C12orf56: variants seen among roughly 807,000 people sequenced by gnomAD.
The protein encoded by C12orf56 is uncharacterized protein C12orf56.
Under a neutral mutation model 69.9 loss-of-function variants are expected in C12orf56, and 71 were observed. The observed-to-expected ratio is 1.02, with a 90% CI of 0.84 to 1.24. C12orf56 has a LOEUF of 1.24. Ranked by LOEUF, C12orf56 falls within the 50% of genes most tolerant of loss-of-function variation. The pLI, the probability that C12orf56 is intolerant of heterozygous loss-of-function variation, is 0.00. For missense variants in C12orf56, 732 were observed against 738.5 expected (o/e 0.99, Z 0.10); for synonymous variants, 276 against 274.1 (o/e 1.01, Z -0.07).
chr12:64,286,338 A>T (rs561512182), intron 6 of C12orf56, among the ~76,000 whole-genome samples: 1 of 152,322 alleles, frequency 6.6e-6, no homozygotes, highest in Admixed American at 6.5e-5. Context: ...GATCATCCAG[A>T]AGCAGGTGTG....
intron 1 of C12orf56, among the ~76,000 whole-genome samples, chr12:64,388,691 C>CA (rs890425910): frequency 1.5e-4 from 23 of 151,872 alleles, no homozygotes; most frequent in African/African-American, 3.1e-4. Flanking sequence ...CCTGTCTCTA[C>CA]AAAAAAAAAT....
intron 1 of C12orf56, among the ~76,000 whole-genome samples, chr12:64,355,260 T>C (rs1210806171): frequency 6.6e-6 from 1 of 152,064 alleles, no homozygotes. Flanking sequence ...ATCAAAGTAA[T>C]TGAAGATAGG....
intron 1 of C12orf56, chr12:64,388,952 C>T (rs1290406678): frequency 6.6e-6 from 1 of 152,114 alleles, no homozygotes; most frequent in Non-Finnish European, 1.5e-5. Context: ...AATAAATTGG[C>T]ACAGTTACAT....
At chr12:64,354,511 G>T (rs945900064) in intron 1 of C12orf56, among the ~76,000 whole-genome samples, 1 of 151,930 alleles carries the variant, frequency 6.6e-6, no homozygotes, top group Non-Finnish European at 1.5e-5. Flanking sequence ...ATGCTGGAGT[G>T]CAATGACATG....
chr12:64,310,870 T>C (rs892378614), intron 5 of C12orf56, among the ~76,000 whole-genome samples: 8 of 151,340 alleles, frequency 5.3e-5, no homozygotes, highest in East Asian at 3.9e-4. Flanking sequence ...CCTCCCCCCT[T>C]CCCCCACCCC....
At chr12:64,268,902 G>A (rs927812271) in intron 12 of C12orf56, among the ~76,000 whole-genome samples, 5 of 151,978 alleles carry the variant, frequency 3.3e-5, no homozygotes, top group East Asian at 1.9e-4. Flanking sequence ...TTAGGAGGCC[G>A]AGGCAGGTGA....
At chr12:64,371,138 A>T (rs374093785) in intron 1 of C12orf56, among the ~76,000 whole-genome samples, 215 of 152,364 alleles carry the variant, frequency 1.4e-3, no homozygotes, top group African/African-American at 4.8e-3. Flanking sequence ...ACGGTGGCTC[A>T]CAACTGTAAT....
intron 11 of C12orf56, among the ~76,000 whole-genome samples, chr12:64,272,284 C>G (rs547650750): frequency 6.6e-6 from 1 of 152,096 alleles, no homozygotes; most frequent in Non-Finnish European, 1.5e-5. Context: ...GTGGGAGGAT[C>G]TCCTGAGGTC....
Position 64,274,904 on chromosome 12 carries a change from G to C in C12orf56, c.1581C>G (p.Pro527=), listed in dbSNP as rs556411935. 1.2e-6 allele frequency: 2 copies of C among 1,606,336 alleles called. No individual in the cohort carries two copies. Among genetic ancestry groups the C allele is most frequent in the Admixed American group, 1.7e-5 (1 of 59,932 alleles). ...GTTTTGACTTCTAGATACTTACGAT[G>C]GGAGGACAGCTTTGTAGAAAGGACA... is the stretch of plus-strand genomic sequence containing the variant. ...WIMSFLQSCP[P]IITFVASIVK... The change falls in exon 11 of 13, where the codon CCC becomes CCG. Residue 527 remains proline, a synonymous_variant. Coordinates refer to ENST00000543942, the MANE Select transcript of C12orf56 (RefSeq NM_001170633.2).
chr12:64,302,303 A>AT (rs1479828322), intron 6 of C12orf56, among the ~76,000 whole-genome samples: 2 of 152,124 alleles, frequency 1.3e-5, no homozygotes, highest in African/African-American at 2.4e-5. Flanking sequence ...CATTTGGCAT[A>AT]TTATTCTCTA....
In C12orf56 at chr12:64,390,697, C is replaced by A; in HGVS notation, c.-132G>T. 1.5e-6 allele frequency: 2 copies of A among 1,292,330 alleles called. No homozygotes were observed. The highest frequency in any genetic ancestry group is 2.0e-6 in the Non-Finnish European group (2 of 1,002,316). 80.1% of individuals were successfully genotyped at this position (1,292,330 alleles called of 1,614,324 possible). A position where few individuals can be genotyped will look rare whatever the true frequency, so the allele number is the denominator to read the frequency against. ...TCGCCTCCTCTCCAGGCGCGGGGACCCGGGCCGCAACTGCAGGAATCGACG... is the reference window on the plus strand; with the variant it reads ...TCGCCTCCTCTCCAGGCGCGGGGACACGGGCCGCAACTGCAGGAATCGACG... On this transcript the variant is annotated 5_prime_UTR_variant, in exon 1 of 13. Transcript: ENST00000543942.
At chr12:64,378,718 G>C (rs527849672) in intron 1 of C12orf56, among the ~76,000 whole-genome samples, 11 of 152,048 alleles carry the variant, frequency 7.2e-5, no homozygotes, top group African/African-American at 2.4e-4. Flanking sequence ...TACAGGCGTG[G>C]GCCACCACAC....
At position 64,310,979 on chromosome 12, in the gene C12orf56, C is replaced by T. The variant is rs536822743; in HGVS notation, c.968+1700G>A. Among the ~76,000 whole-genome samples the T allele has an allele frequency of 2.0e-4, 31 of 151,544 alleles. No individual in the cohort carries two copies. In the South Asian group the frequency reaches 5.2e-3, roughly 26 times the overall value. ...TGAGAACATGTAGTGTTTGGTTTCT[C>T]GTCCCTGCAATAGTTTGCTCAGAAT... On this transcript the variant is annotated intron_variant, in intron 5 of 12. Transcript: ENST00000543942.
At chr12:64,279,738 C>T (rs919934844) in intron 8 of C12orf56, among the ~76,000 whole-genome samples, 1 of 152,148 alleles carries the variant, frequency 6.6e-6, no homozygotes, top group Non-Finnish European at 1.5e-5. Context: ...TCAGTTAGTA[C>T]ATTTCTCACA....
rs1277105400 is a variant in C12orf56 at position 64,267,073 on chromosome 12, C to G, written c.*110G>C. The stretch of plus-strand genomic sequence containing the variant: ...TCAATTAAAATCTTTGTTTATAGGA[C>G]TCAGAGATAGCCAGATATTAAACAA... On this transcript the variant is annotated 3_prime_UTR_variant, in exon 13 of 13. Transcript: ENST00000543942. 6 of 747,694 alleles carry G rather than the reference C, an allele frequency of 8.0e-6. No individual in the cohort carries two copies. The South Asian group carries it at 1.2e-4, about 15-fold the overall frequency. 46.3% of individuals were successfully genotyped at this position (747,694 alleles called of 1,614,324 possible).
intron 1 of C12orf56, among the ~76,000 whole-genome samples, chr12:64,357,773 T>C (rs1326111359): frequency 1.3e-5 from 2 of 151,986 alleles, no homozygotes; most frequent in African/African-American, 4.8e-5. Flanking sequence ...TAGTGGCAAG[T>C]GCCTGTAATC....
At chr12:64,376,982 A>C (rs61931543) in intron 1 of C12orf56, among the ~76,000 whole-genome samples, 13,471 of 152,110 alleles carry the variant, frequency 0.089, 798 homozygotes, top group Middle Eastern at 0.21. Flanking sequence ...TACCACCAAC[A>C]TTGTAAAAGG....
chr12:64,271,564 G>A (rs4763010), intron 11 of C12orf56, among the ~76,000 whole-genome samples: 106,984 of 152,088 alleles, frequency 0.7, 38,814 homozygotes, highest in Non-Finnish European at 0.8. Context: ...CACACCCATT[G>A]AATTAGTATC....
intron 1 of C12orf56, among the ~76,000 whole-genome samples, chr12:64,376,301 G>A (rs2039639116): frequency 6.6e-6 from 1 of 152,154 alleles, no homozygotes; most frequent in South Asian, 2.1e-4. Context: ...GCAGGATGCA[G>A]AAAATGCTTT....
Sources: allele counts gnomAD v4.1 joint callset (sites outside exome capture counted in the v4.1 genomes callset), GRCh38; gene constraint gnomAD v4.1.1; transcripts MANE v1.5; gene names NCBI Gene and HGNC (gene_info 2026-07-23, HGNC 2026-07-21).